AAK1: variants seen among roughly 807,000 people sequenced by gnomAD.
AAK1 encodes the protein AP2 associated kinase 1, also known as AP2-associated protein kinase 1.
In AAK1, 37 loss-of-function variants were observed where a neutral mutation model predicts 116.0. The ratio of observed to expected loss-of-function variants is 0.32; its 90% CI spans 0.25 to 0.42. AAK1 has a LOEUF of 0.42. Ranked by LOEUF, AAK1 falls within the 10% of genes least tolerant of loss-of-function variation. The probability of loss-of-function intolerance (pLI) is 1.00; values close to 1 mark genes in which losing one functional copy is unlikely to be tolerated. For synonymous variants in AAK1, 458 were observed against 439.9 expected, an observed-to-expected ratio of 1.04 and a Z score of -0.51; for missense variants, 919 against 1,170.6, an observed-to-expected ratio of 0.79 and a Z score of 3.14.
At chr2:69,566,361 C>G (rs1671868149) in intron 2 of AAK1, among the ~76,000 whole-genome samples, 2 of 152,092 alleles carry the variant, frequency 1.3e-5, no homozygotes, top group African/African-American at 2.4e-5. Flanking sequence ...TCTCTCCTCA[C>G]TTGCCTCAAT....
At chr2:69,518,081 C>T (rs936118519) in intron 12 of AAK1, among the ~76,000 whole-genome samples, 1 of 152,120 alleles carries the variant, frequency 6.6e-6, no homozygotes, top group South Asian at 2.1e-4. Flanking sequence ...ATAACTGCAC[C>T]ACTTCACTCC....
At chr2:69,494,114 C>A (rs776133435) in intron 17 of AAK1, among the ~76,000 whole-genome samples, 1 of 152,134 alleles carries the variant, frequency 6.6e-6, no homozygotes, top group Admixed American at 6.5e-5. Context: ...ATAATACACT[C>A]CTGCAGTTCT....
chr2:69,643,600 C>A lies in AAK1; in HGVS notation c.-260G>T. On this transcript the variant is annotated 5_prime_UTR_variant, in exon 1 of 22. In the 5' UTR this introduces an upstream ATG that the reference lacks. Coordinates refer to ENST00000409085, the MANE Select transcript of AAK1 (RefSeq NM_014911.5). ...TTGAGACGGCTCGGCGGCCGGCGCC[C>A]TGCTACCAGCCCCGCGACATTGTCA... 8.1e-7 allele frequency: 1 copy of A among 1,228,956 alleles called. No homozygotes were observed. The highest frequency in any genetic ancestry group is 4.2e-5 in the South Asian group (1 of 23,978). The allele number at this position is 1,228,956 out of a possible 1,614,324, so 76.1% of individuals were successfully genotyped here. A position where few individuals can be genotyped will look rare whatever the true frequency, so the allele number is the denominator to read the frequency against.
chr2:69,468,410 C>A lies in AAK1; in HGVS notation c.*7459G>T, dbSNP rs762981166. On this transcript the variant is annotated 3_prime_UTR_variant, in exon 22 of 22. Coordinates refer to ENST00000409085, the MANE Select transcript of AAK1 (RefSeq NM_014911.5). ...AAGAGGGCCCTAAAACTCCTTGAACCACCTTCCTCACATAGTATCAGTTGG... is the reference window on the plus strand; with the variant it reads ...AAGAGGGCCCTAAAACTCCTTGAACAACCTTCCTCACATAGTATCAGTTGG... The A allele has an allele frequency of 1.0e-6, 1 of 985,394 alleles. No individual in the cohort carries two copies. Among genetic ancestry groups the A allele is most frequent in the Non-Finnish European group, 1.2e-6 (1 of 829,924 alleles). 61.0% of individuals were successfully genotyped at this position (985,394 alleles called of 1,614,324 possible).
chr2:69,494,518 G>T (rs1422734969), intron 17 of AAK1, among the ~76,000 whole-genome samples: 1 of 152,108 alleles, frequency 6.6e-6, no homozygotes, highest in Non-Finnish European at 1.5e-5. Flanking sequence ...AGCAAAGCAA[G>T]AACCTGAAGG....
intron 2 of AAK1, among the ~76,000 whole-genome samples, chr2:69,604,894 C>A (rs1376857728): frequency 6.6e-6 from 1 of 152,192 alleles, no homozygotes; most frequent in East Asian, 1.9e-4. Flanking sequence ...AATGGAGCCA[C>A]CATGCTTTCA....
chr2:69,553,132 T>C (rs1671245662), intron 3 of AAK1, among the ~76,000 whole-genome samples: 1 of 152,130 alleles, frequency 6.6e-6, no homozygotes, highest in Non-Finnish European at 1.5e-5. Context: ...GATATGAGTT[T>C]CTAGATTGAA....
chr2:69,493,303 G>A (rs7566415), intron 17 of AAK1, among the ~76,000 whole-genome samples: 6,679 of 151,996 alleles, frequency 0.044, 377 homozygotes, highest in East Asian at 0.18. Context: ...GCAGGACACC[G>A]TGAAAGGACG....
intron 2 of AAK1, among the ~76,000 whole-genome samples, chr2:69,639,814 T>C (rs897809213): frequency 1.3e-5 from 2 of 152,034 alleles, no homozygotes; most frequent in Admixed American, 1.3e-4. Flanking sequence ...GCTAGAACTG[T>C]AGATAAGTCA....
intron 17 of AAK1, among the ~76,000 whole-genome samples, chr2:69,493,137 C>T (rs556086025): frequency 1.9e-3 from 117 of 62,562 alleles, no homozygotes; most frequent in African/African-American, 5.9e-3. Flanking sequence ...CCAGCCTGGG[C>T]GACAGAGCGA....
chr2:69,643,086 T>TG lies in AAK1; in HGVS notation c.-47_-46insC, dbSNP rs1675819711. ...AAGCAAAATACCGATGGTTTCTAGA[T>TG]TTTTTTTTTTTTTTTTTTTTTTTAA... On this transcript the variant is annotated 5_prime_UTR_variant, in exon 2 of 22. Coordinates refer to ENST00000409085, the MANE Select transcript of AAK1 (RefSeq NM_014911.5). The TG allele has an allele frequency of 4.2e-5, 3 of 72,092 alleles. No homozygotes were observed. The highest frequency in any genetic ancestry group is 7.7e-5 in the Non-Finnish European group (3 of 39,070). The allele number at this position is 72,092 out of a possible 1,614,324, so 4.5% of individuals were successfully genotyped here.
intron 2 of AAK1, among the ~76,000 whole-genome samples, chr2:69,600,291 T>G (rs1468592483): frequency 3.3e-5 from 3 of 92,304 alleles, no homozygotes; most frequent in Non-Finnish European, 6.4e-5. Context: ...TCTGTCTCAG[T>G]TTTTTTTTTT....
chr2:69,639,292 C>T (rs1015897621), intron 2 of AAK1, among the ~76,000 whole-genome samples: 1 of 152,182 alleles, frequency 6.6e-6, no homozygotes, highest in Non-Finnish European at 1.5e-5. Flanking sequence ...CTTCTCAATC[C>T]TTCTTTGAAC....
chr2:69,600,468 A>C (rs1345209384), intron 2 of AAK1, among the ~76,000 whole-genome samples: 1 of 152,084 alleles, frequency 6.6e-6, no homozygotes, highest in Non-Finnish European at 1.5e-5. Context: ...CAGCAGAGAA[A>C]GTAACAACAA....
At chr2:69,592,209 C>G (rs1007488393) in intron 2 of AAK1, among the ~76,000 whole-genome samples, 2 of 152,230 alleles carry the variant, frequency 1.3e-5, no homozygotes, top group African/African-American at 2.4e-5. Flanking sequence ...TGACTGGTCT[C>G]TTGTCCTGCC....
chr2:69,562,756 G>A lies in AAK1; in HGVS notation c.164-5778C>T, dbSNP rs1671697416. The stretch of plus-strand genomic sequence containing the variant: ...AATACAAAAATTAGCCAGGCGTGGT[G>A]GTGTGCGCCTGTAGTCCCAGCTACT... On this transcript the variant is annotated intron_variant, in intron 2 of 21. Coordinates refer to ENST00000409085, the MANE Select transcript of AAK1 (RefSeq NM_014911.5). Among the ~76,000 whole-genome samples the A allele has an allele frequency of 2.0e-5, 3 of 152,190 alleles. No homozygotes were observed. The South Asian group carries it at 6.2e-4, about 32-fold the overall frequency.
chr2:69,548,918 T>G (rs1355333765), intron 3 of AAK1, among the ~76,000 whole-genome samples: 4 of 152,082 alleles, frequency 2.6e-5, no homozygotes, highest in Non-Finnish European at 5.9e-5. Flanking sequence ...GCTGTTTTGT[T>G]AGAATAATGC....
intron 2 of AAK1, among the ~76,000 whole-genome samples, chr2:69,581,763 G>C (rs903382117): frequency 2.0e-5 from 3 of 152,126 alleles, no homozygotes; most frequent in African/African-American, 7.2e-5. Flanking sequence ...GATCACTTGA[G>C]CCCAGGAATT....
At chr2:69,538,997 C>T (rs533830806) in intron 5 of AAK1, among the ~76,000 whole-genome samples, 1 of 152,354 alleles carries the variant, frequency 6.6e-6, no homozygotes, top group East Asian at 1.9e-4. Context: ...CACCTCTGAG[C>T]CCTTTCAGGC....
Sources: allele counts gnomAD v4.1 joint callset (sites outside exome capture counted in the v4.1 genomes callset), GRCh38; gene constraint gnomAD v4.1.1; transcripts MANE v1.5; gene names NCBI Gene and HGNC (gene_info 2026-07-23, HGNC 2026-07-21).